FCER1A: variants seen among roughly 807,000 people sequenced by gnomAD.
FCER1A encodes Fc epsilon receptor Ia.
In FCER1A, 24 loss-of-function variants were observed where a neutral mutation model predicts 23.6. The ratio of observed to expected loss-of-function variants is 1.02; its 90% CI spans 0.74 to 1.43. FCER1A has a LOEUF of 1.43. FCER1A is among the 40% of genes most tolerant of loss of function. FCER1A has a pLI of 0.00. For missense variants in FCER1A, 318 were observed against 294.5 expected (o/e 1.08, Z -0.58); for synonymous variants, 121 against 108.8 (o/e 1.11, Z -0.70).
At chr1:159,297,162 A>C (rs930655893) in intron 1 of FCER1A, among the ~76,000 whole-genome samples, 2 of 152,158 alleles carry the variant, frequency 1.3e-5, no homozygotes, top group African/African-American at 4.8e-5. Context: ...GACTCTGCAC[A>C]ATGGGGATTT....
chr1:159,302,447 A>G, intron 1 of FCER1A, 28 bp downstream of exon 1: 1 of 1,514,126 alleles, frequency 6.6e-7, no homozygotes, highest in Non-Finnish European at 9.2e-7. Context: ...TACCCCTCCC[A>G]GGGAGGCCCA....
At chr1:159,283,739 T>C in the FCER1A span, among the ~76,000 whole-genome samples, 1 of 152,152 alleles carries the variant, frequency 6.6e-6, no homozygotes, top group East Asian at 1.9e-4. Flanking sequence ...GGACATTGGC[T>C]CATTTGGCTT....
chr1:159,305,920 T>A, intron 3 of FCER1A, 68 bp from the exon 4 acceptor site: 2 of 1,412,880 alleles, frequency 1.4e-6, no homozygotes, highest in South Asian at 2.5e-5. Context: ...TGCGTGGCTC[T>A]CTTTTCTCTA....
chr1:159,294,011 A>C (rs1444616721), intron 1 of FCER1A, among the ~76,000 whole-genome samples: 1 of 152,088 alleles, frequency 6.6e-6, no homozygotes, highest in Non-Finnish European at 1.5e-5. Flanking sequence ...AATCAAAACC[A>C]CAATGAGATA....
chr1:159,307,873 A>T lies in FCER1A; in HGVS notation c.715A>T (p.Thr239Ser), dbSNP rs773933049. 1.9e-6 allele frequency: 3 copies of T among 1,613,536 alleles called. No individual in the cohort carries two copies. The highest frequency in any genetic ancestry group is 2.7e-5 in the African/African-American group (2 of 74,914). Residue 239 changes from threonine (T) to serine (S), a missense_variant, in exon 5 of 5, where the codon ACC (threonine) becomes TCC (serine). Transcript: ENST00000693622. The stretch of plus-strand genomic sequence containing the variant: ...CACATTTCTCTTGAAGATTAAGAGA[A>T]CCAGGAAAGGCTTCAGACTTCTGAA... ...QVTFLLKIKR[T>S]RKGFRLLNPH... is the part of the protein sequence containing the mutation.
intron 3 of FCER1A, 115 bp downstream of exon 3, chr1:159,304,297 C>T: frequency 2.9e-6 from 3 of 1,041,092 alleles, no homozygotes; most frequent in Non-Finnish European, 2.8e-6. Flanking sequence ...TTCAAGGCCT[C>T]TCATTTTTAA....
rs1342196294 is a variant in FCER1A at position 159,304,051 on chromosome 1, A to G, written c.200A>G (p.Asn67Ser). The G allele has an allele frequency of 3.1e-6, 5 of 1,614,086 alleles. No homozygotes were observed. In the African/African-American group the frequency reaches 6.7e-5, roughly 22 times the overall value. The change falls in exon 3 of 5, where the codon AAT becomes AGT. Residue 67 changes from asparagine to serine, a missense_variant. Coordinates refer to ENST00000693622, the MANE Select transcript of FCER1A (RefSeq NM_001387280.1). ...GTCAGTTCCACCAAATGGTTCCACAATGGCAGCCTTTCAGAAGAGACAAAT... is the reference window on the plus strand; with the variant it reads ...GTCAGTTCCACCAAATGGTTCCACAGTGGCAGCCTTTCAGAAGAGACAAAT... Reference protein sequence around the residue: ...FEVSSTKWFHNGSLSEETNSS... With the variant: ...FEVSSTKWFHSGSLSEETNSS...
chr1:159,307,989 T>G lies in FCER1A; in HGVS notation c.*57T>G. The stretch of plus-strand genomic sequence containing the variant: ...GTTTTTTTCCAGCATCAGCAATTGC[T>G]ACTCAATTGTCAAACACAGCTTGCA... On this transcript the variant is annotated 3_prime_UTR_variant, in exon 5 of 5. Transcript: ENST00000693622. The G allele has an allele frequency of 2.4e-6, 3 of 1,260,804 alleles. No individual in the cohort carries two copies. The highest frequency in any genetic ancestry group is 2.2e-6 in the Non-Finnish European group (2 of 889,838). The allele number at this position is 1,260,804 out of a possible 1,614,324, so 78.1% of individuals were successfully genotyped here.
chr1:159,305,395 G>C (rs72713649), intron 3 of FCER1A, among the ~76,000 whole-genome samples: 2,303 of 152,240 alleles, frequency 0.015, 19 homozygotes, highest in Non-Finnish European at 0.023. Flanking sequence ...CAACTCCTAA[G>C]TATTGCTACC....
chr1:159,302,898 T>C, intron 2 of FCER1A, 24 bp downstream of exon 2: 1 of 1,611,614 alleles, frequency 6.2e-7, no homozygotes, highest in South Asian at 1.1e-5. Flanking sequence ...TCTTGTTCCC[T>C]TGGTGTTTCA....
the FCER1A span, among the ~76,000 whole-genome samples, chr1:159,284,440 T>C: frequency 1.3e-5 from 2 of 152,230 alleles, no homozygotes; most frequent in Non-Finnish European, 2.9e-5. Flanking sequence ...TCTGCACCCA[T>C]GTGAGATGTT....
At chr1:159,297,314 G>T (rs1417689809) in intron 1 of FCER1A, among the ~76,000 whole-genome samples, 1 of 152,122 alleles carries the variant, frequency 6.6e-6, no homozygotes, top group Non-Finnish European at 1.5e-5. Context: ...TGTGATCCTG[G>T]CTGCATCCTG....
At chr1:159,299,445 C>T (rs1473209876), upstream of FCER1A, among the ~76,000 whole-genome samples, 4 of 152,200 alleles carry the variant, frequency 2.6e-5, no homozygotes, top group Admixed American at 6.5e-5. Flanking sequence ...TGCCCAAAGC[C>T]TCTCACGCTG....
intron 1 of FCER1A, among the ~76,000 whole-genome samples, chr1:159,295,246 T>G (rs1652268542): frequency 6.6e-6 from 1 of 152,190 alleles, no homozygotes; most frequent in African/African-American, 2.4e-5. Flanking sequence ...CAGCCTATTC[T>G]AGGGTGGGCC....
In FCER1A at chr1:159,307,820, G is replaced by A; in HGVS notation, c.662G>A (p.Gly221Glu). The part of the protein sequence containing the change: ...LVVILFAVDT[G>E]LFISTQQQVT... ...GTGATTCTGTTTGCTGTGGACACAGGATTATTTATCTCAACTCAGCAGCAG... is the reference window on the plus strand; with the variant it reads ...GTGATTCTGTTTGCTGTGGACACAGAATTATTTATCTCAACTCAGCAGCAG... Residue 221 changes from glycine to glutamate, a missense_variant, in exon 5 of 5, where the codon GGA (glycine) becomes GAA (glutamate). Transcript: ENST00000693622. 6.2e-7 allele frequency: 1 copy of A among 1,613,086 alleles called. No homozygotes were observed. Among genetic ancestry groups the A allele is most frequent in the Non-Finnish European group, 8.5e-7 (1 of 1,179,144 alleles).
intron 1 of FCER1A, 37 bp from the exon 2 acceptor site, chr1:159,302,817 T>G: frequency 6.2e-7 from 1 of 1,604,156 alleles, no homozygotes; most frequent in Non-Finnish European, 8.5e-7. Context: ...TAAAGAAGAC[T>G]GCTGGACACT....
chr1:159,302,865 G>A lies in FCER1A; in HGVS notation c.67G>A (p.Val23Met), dbSNP rs142162478. The change falls in exon 2 of 5, where the codon GTG (valine) becomes ATG (methionine). Residue 23 changes from valine to methionine, a missense_variant. Coordinates refer to ENST00000693622, the MANE Select transcript of FCER1A (RefSeq NM_001387280.1). ...CTGGACTTTTGCAGCTCCAGATGGC[G>A]TGTTAGCAGGTGAGTCCTCTGTTCT... ...VALLFFAPDGVLAVPQKPKVS... is the reference protein window; with the variant it reads ...VALLFFAPDGMLAVPQKPKVS... 21 of 1,613,780 alleles carry A rather than the reference G, an allele frequency of 1.3e-5. No homozygotes were observed. The African/African-American group carries it at 1.9e-4, about 14-fold the overall frequency.
At chr1:159,302,815 A>G in intron 1 of FCER1A, 39 bp from the exon 2 acceptor site, 1 of 1,601,572 alleles carries the variant, frequency 6.2e-7, no homozygotes, top group Non-Finnish European at 8.6e-7. Context: ...GATAAAGAAG[A>G]CTGCTGGACA....
At chr1:159,284,025 T>C in the FCER1A span, among the ~76,000 whole-genome samples, 2 of 152,166 alleles carry the variant, frequency 1.3e-5, no homozygotes, top group South Asian at 2.1e-4. Context: ...TAATACTGCA[T>C]TGAGTTTTAA....
Sources: allele counts gnomAD v4.1 joint callset (sites outside exome capture counted in the v4.1 genomes callset), GRCh38; gene constraint gnomAD v4.1.1; transcripts MANE v1.5; gene names NCBI Gene and HGNC (gene_info 2026-07-23, HGNC 2026-07-21).